TLL1: variants seen among roughly 807,000 people sequenced by gnomAD.
The protein encoded by TLL1 is tolloid like 1, also known as tolloid-like protein 1.
TLL1 carries 49 observed loss-of-function variants against 128.2 expected under a neutral mutation model. The ratio of observed to expected loss-of-function variants is 0.38; its 90% confidence interval spans 0.30 to 0.48. TLL1 has a LOEUF of 0.48. Among genes scored for constraint, TLL1 ranks in the 20% least tolerant of loss-of-function variants. The pLI is 0.96. For missense variants in TLL1, 1,123 were observed against 1,242.0 expected (o/e 0.90, Z 1.44); for synonymous variants, 454 against 418.8 (o/e 1.08, Z -1.03).
At chr4:165,898,700 G>A (rs897113710) in intron 1 of TLL1, among the ~76,000 whole-genome samples, 1 of 152,058 alleles carries the variant, frequency 6.6e-6, no homozygotes, top group Admixed American at 6.6e-5. Context: ...CCATTTTTTT[G>A]TGTCTCTGCC....
At chr4:165,940,310 A>G (rs571638510) in intron 1 of TLL1, among the ~76,000 whole-genome samples, 10 of 151,974 alleles carry the variant, frequency 6.6e-5, no homozygotes, top group Non-Finnish European at 1.5e-4. Flanking sequence ...ATTACATTCA[A>G]TGTTTCCATT....
intron 6 of TLL1, among the ~76,000 whole-genome samples, chr4:166,004,081 T>C (rs1396808095): frequency 6.6e-6 from 1 of 152,122 alleles, no homozygotes; most frequent in African/African-American, 2.4e-5. Context: ...CCTCTTAAAC[T>C]TGACTACCCT....
At chr4:166,087,997 G>A (rs1247987103) in intron 18 of TLL1, among the ~76,000 whole-genome samples, 1 of 152,038 alleles carries the variant, frequency 6.6e-6, no homozygotes, top group East Asian at 1.9e-4. Context: ...TGAAATTATA[G>A]AAATATAATC....
intron 1 of TLL1, among the ~76,000 whole-genome samples, chr4:165,932,146 A>G (rs1234846313): frequency 1.3e-5 from 2 of 152,222 alleles, no homozygotes; most frequent in African/African-American, 2.4e-5. Flanking sequence ...AAACACCACC[A>G]GAGACATTCA....
At chr4:166,030,208 A>G (rs767196787) in intron 9 of TLL1, among the ~76,000 whole-genome samples, 2 of 152,022 alleles carry the variant, frequency 1.3e-5, no homozygotes, top group African/African-American at 2.4e-5. Flanking sequence ...GTGATATCTC[A>G]TTGTGATTTT....
intron 1 of TLL1, among the ~76,000 whole-genome samples, chr4:165,945,045 G>C (rs1047245768): frequency 6.6e-6 from 1 of 152,072 alleles, no homozygotes; most frequent in Non-Finnish European, 1.5e-5. Context: ...GCAAGTCCAG[G>C]GATAAAGCTT....
At chr4:166,017,349 C>G (rs1188284650) in intron 8 of TLL1, among the ~76,000 whole-genome samples, 2 of 152,068 alleles carry the variant, frequency 1.3e-5, no homozygotes, top group Admixed American at 6.6e-5. Flanking sequence ...TGATGGACAT[C>G]CAGGTTGATT....
At chr4:166,076,569 A>G (rs1035181373) in intron 17 of TLL1, among the ~76,000 whole-genome samples, 10 of 152,164 alleles carry the variant, frequency 6.6e-5, no homozygotes, top group African/African-American at 1.4e-4. Flanking sequence ...TATTGCCAGG[A>G]AAGGGGTTGG....
At chr4:166,096,450 C>T (rs1447058779) in intron 19 of TLL1, among the ~76,000 whole-genome samples, 1 of 151,996 alleles carries the variant, frequency 6.6e-6, no homozygotes, top group East Asian at 1.9e-4. Context: ...AAGACAACTT[C>T]CAGTGATTTT....
intron 1 of TLL1, among the ~76,000 whole-genome samples, chr4:165,966,177 C>CAAA (rs35017995): frequency 8.6e-6 from 1 of 116,226 alleles, no homozygotes. Context: ...GACTCCATCT[C>CAAA]AAAAAAAAAA....
At chr4:166,028,011 G>A (rs1354082049) in intron 9 of TLL1, among the ~76,000 whole-genome samples, 1 of 151,988 alleles carries the variant, frequency 6.6e-6, no homozygotes, top group Non-Finnish European at 1.5e-5. Context: ...AGTGTTATAA[G>A]AAGCCAGTGA....
chr4:165,882,560 G>A (rs537821309), intron 1 of TLL1, among the ~76,000 whole-genome samples: 11 of 152,206 alleles, frequency 7.2e-5, no homozygotes, highest in South Asian at 4.1e-4. Flanking sequence ...TTGGGTTTTG[G>A]TATCTGGAAC....
chr4:166,060,256 TAA>T (rs71787595), intron 15 of TLL1, 68 bp downstream of exon 15: 500 of 1,314,076 alleles, frequency 3.8e-4, no homozygotes, highest in Non-Finnish European at 4.3e-4. Flanking sequence ...ACTGTGAAAT[TAA>T]AAAAAAAAAA....
In TLL1 at chr4:165,946,768, T is replaced by G. The variant is rs75530509; in HGVS notation, c.170-42613T>G. 4.4e-3 allele frequency among the ~76,000 whole-genome samples: 664 copies of G among 152,206 alleles called. 17 individuals are homozygous for G. The East Asian group carries it at 0.06, about 14-fold the overall frequency. ...TTGGAATCAGACTATGGGAAAAGAC[T>G]GGAAGAATTTTGAGGAACATTATAG... On this transcript the variant is annotated intron_variant, in intron 1 of 20. Coordinates refer to ENST00000061240, the MANE Select transcript of TLL1 (RefSeq NM_012464.5).
In TLL1 at chr4:165,989,426, T is replaced by A; in HGVS notation, c.215T>A (p.Ile72Asn). The A allele has an allele frequency of 6.2e-7, 1 of 1,612,990 alleles. No homozygotes were observed. Among genetic ancestry groups the A allele is most frequent in the Admixed American group, 1.7e-5 (1 of 59,876 alleles). The change falls in exon 2 of 21, where the codon ATC becomes AAC. Residue 72 changes from isoleucine (I) to asparagine (N), a missense_variant. Physicochemically the swap from Ile to Asn is moderately radical, Grantham distance 149. Transcript: ENST00000061240. Reference sequence around the variant, plus strand: ...GCCTTAGATGATGAAGACTTAAATATCTTTCAAATAGATAGGACAATTGAC... The same window carrying A: ...GCCTTAGATGATGAAGACTTAAATAACTTTCAAATAGATAGGACAATTGAC... ...DIALDDEDLN[I>N]FQIDRTIDLT...
intron 1 of TLL1, among the ~76,000 whole-genome samples, chr4:165,945,068 C>T (rs1734184396): frequency 6.6e-6 from 1 of 152,186 alleles, no homozygotes; most frequent in Middle Eastern, 3.4e-3. Flanking sequence ...GAAATTCAGA[C>T]ATTTAGGAAA....
At chr4:166,017,599 A>G (rs2111056404) in intron 8 of TLL1, among the ~76,000 whole-genome samples, 1 of 151,954 alleles carries the variant, frequency 6.6e-6, no homozygotes, top group Non-Finnish European at 1.5e-5. Flanking sequence ...GCAGGTGTCT[A>G]TTGTTTTTCA....
chr4:165,909,355 A>G (rs1185130643), intron 1 of TLL1, among the ~76,000 whole-genome samples: 1 of 152,232 alleles, frequency 6.6e-6, no homozygotes, highest in African/African-American at 2.4e-5. Context: ...GGTAAGTTCA[A>G]GTAGGCAAGT....
intron 1 of TLL1, among the ~76,000 whole-genome samples, chr4:165,936,802 A>G (rs1211552700): frequency 2.0e-5 from 3 of 151,974 alleles, no homozygotes; most frequent in Non-Finnish European, 4.4e-5. Context: ...GCATGGTGGC[A>G]GGCGCCTGTA....
Sources: gnomAD v4.1 joint callset for allele counts (sites outside exome capture counted in the v4.1 genomes callset) on GRCh38, gnomAD v4.1.1 for gene constraint, MANE v1.5 for transcripts, NCBI Gene and HGNC (gene_info 2026-07-23, HGNC 2026-07-21) for gene names.